Variants in PMFBP1 observed in about 807,000 individuals in gnomAD.
The protein encoded by PMFBP1 is polyamine-modulated factor 1-binding protein 1.
PMFBP1 carries 131 observed loss-of-function variants against 137.8 expected under a neutral mutation model. The ratio of observed to expected loss-of-function variants is 0.95; its 90% CI spans 0.82 to 1.10. PMFBP1 has a LOEUF of 1.10. Among genes scored for constraint, PMFBP1 ranks in the 50% least tolerant of loss-of-function variants. The probability of loss-of-function intolerance (pLI) is 0.00; values close to 1 mark genes in which losing one functional copy is unlikely to be tolerated. For missense variants in PMFBP1, 1,199 were observed against 1,175.4 expected (o/e 1.02, Z -0.29); for synonymous variants, 490 against 450.4 (o/e 1.09, Z -1.11).
chr16:72,149,143 G>A (rs1189769461), intron 5 of PMFBP1, among the ~76,000 whole-genome samples: 1 of 152,138 alleles, frequency 6.6e-6, no homozygotes, highest in African/African-American at 2.4e-5. Context: ...CTTAGAGTTG[G>A]CTTCCTGGGG....
chr16:72,165,609 AG>A (rs1338167267), intron 2 of PMFBP1, among the ~76,000 whole-genome samples: 2 of 151,938 alleles, frequency 1.3e-5, no homozygotes, highest in East Asian at 1.9e-4. Flanking sequence ...TAGTAGAGAC[AG>A]GGTTTCACAG....
intron 14 of PMFBP1, among the ~76,000 whole-genome samples, chr16:72,127,304 C>T (rs2042476808): frequency 6.6e-6 from 1 of 152,226 alleles, no homozygotes; most frequent in Non-Finnish European, 1.5e-5. Flanking sequence ...CCATATTTTA[C>T]ATGCCCTGGT....
the PMFBP1 span, among the ~76,000 whole-genome samples, chr16:72,246,592 C>T: frequency 1.3e-5 from 2 of 151,984 alleles, no homozygotes; most frequent in African/African-American, 4.8e-5. Context: ...CAGCTGTAAA[C>T]ACCTGTTCAT....
Position 72,136,788 on chromosome 16 carries a change from C to G in PMFBP1, c.950G>C (p.Ser317Thr), listed in dbSNP as rs763439028. Residue 317 changes from serine to threonine, a missense_variant, in exon 8 of 21, where the codon AGC (serine) becomes ACC (threonine). Coordinates refer to ENST00000237353, the MANE Select transcript of PMFBP1 (RefSeq NM_031293.3). The part of the protein sequence containing the change: ...ILKHLQEQKD[S>T]QCLHVEEYQN... The stretch of plus-strand genomic sequence containing the variant: ...GTACTCCTCCACATGCAGGCACTGG[C>G]TGTCTTTCTGCTCCTGCAAGTGCTT... 6.2e-7 allele frequency: 1 copy of G among 1,614,212 alleles called. No homozygotes were observed. Among genetic ancestry groups the G allele is most frequent in the East Asian group, 2.2e-5 (1 of 44,884 alleles).
At chr16:72,209,111 C>T in the PMFBP1 span, among the ~76,000 whole-genome samples, 1 of 152,188 alleles carries the variant, frequency 6.6e-6, no homozygotes, top group Non-Finnish European at 1.5e-5. Context: ...CCCGGTGAGC[C>T]CTCTTCCTGG....
intron 5 of PMFBP1, among the ~76,000 whole-genome samples, chr16:72,144,633 A>G (rs547254033): frequency 1.1e-4 from 17 of 152,336 alleles, no homozygotes; most frequent in African/African-American, 4.1e-4. Flanking sequence ...CTAAAGATAA[A>G]AACATAAAAA....
At chr16:72,181,237 CAAA>C (rs57619423), upstream of PMFBP1, among the ~76,000 whole-genome samples, 7 of 130,360 alleles carry the variant, frequency 5.4e-5, no homozygotes, top group Admixed American at 4.0e-4. Flanking sequence ...GACTTCATCT[CAAA>C]AAAAAAAAAA....
the PMFBP1 span, among the ~76,000 whole-genome samples, chr16:72,239,539 A>C: frequency 1.3e-5 from 2 of 152,080 alleles, no homozygotes; most frequent in African/African-American, 4.8e-5. Context: ...AGCTACTGAG[A>C]GGTCCTATTT....
chr16:72,202,698 C>T, the PMFBP1 span, among the ~76,000 whole-genome samples: 481 of 152,318 alleles, frequency 3.2e-3, 1 homozygote, highest in South Asian at 6.8e-3. Flanking sequence ...CTCTCACTCA[C>T]GCATCCTCCT....
chr16:72,124,981 T>C (rs1331607301), intron 16 of PMFBP1, 47 bp from the exon 17 acceptor site: 2 of 1,599,992 alleles, frequency 1.3e-6, no homozygotes, highest in Non-Finnish European at 1.7e-6. Flanking sequence ...CTGGCCTCCC[T>C]GACCGCAGGA....
chr16:72,119,611 G>C, intron 20 of PMFBP1: 1 of 1,443,892 alleles, frequency 6.9e-7, no homozygotes, highest in South Asian at 1.5e-5. Context: ...TCTGGGTCAG[G>C]GGAGGGGGCA....
At chr16:72,175,549 T>C (rs141244382), upstream of PMFBP1, among the ~76,000 whole-genome samples, 60 of 152,340 alleles carry the variant, frequency 3.9e-4, no homozygotes, top group African/African-American at 1.4e-3. Context: ...GAACACCGAC[T>C]ATTCCTTTTC....
chr16:72,228,161 G>C, the PMFBP1 span, among the ~76,000 whole-genome samples: 1 of 152,048 alleles, frequency 6.6e-6, no homozygotes, highest in Non-Finnish European at 1.5e-5. Context: ...TGGGGTTCGA[G>C]CCTGGACCAA....
chr16:72,134,389 G>T (rs2144307346), intron 9 of PMFBP1, among the ~76,000 whole-genome samples: 1 of 152,272 alleles, frequency 6.6e-6, no homozygotes, highest in South Asian at 2.1e-4. Context: ...TTGCCATGTT[G>T]CCCAGGCTGG....
rs1597457670 is a variant in PMFBP1 at position 72,122,762 on chromosome 16, A to G, written c.2768+152T>C. On this transcript the variant is annotated intron_variant, in intron 19 of 20. Coordinates refer to ENST00000237353, the MANE Select transcript of PMFBP1 (RefSeq NM_031293.3). The stretch of plus-strand genomic sequence containing the variant: ...GGTCAAGTGATATACCCAAGGTCAC[A>G]TAGATGCAGATTCGAGACCTGGGGG... The G allele has an allele frequency of 2.0e-5, 13 of 645,624 alleles. No individual in the cohort carries two copies. The East Asian group carries it at 2.8e-4, about 14-fold the overall frequency. 40.0% of individuals were successfully genotyped at this position (645,624 alleles called of 1,614,324 possible). A position where few individuals can be genotyped will look rare whatever the true frequency, so the allele number is the denominator to read the frequency against.
At chr16:72,227,271 T>C in the PMFBP1 span, among the ~76,000 whole-genome samples, 1 of 152,228 alleles carries the variant, frequency 6.6e-6, no homozygotes, top group African/African-American at 2.4e-5. Context: ...TGCACTGTTA[T>C]TCTGAAAGAT....
chr16:72,123,520 G>A (rs1480495234), intron 18 of PMFBP1, 26 bp downstream of exon 18: 1 of 1,606,438 alleles, frequency 6.2e-7, no homozygotes, highest in Non-Finnish European at 8.5e-7. Context: ...CTCGGACCCT[G>A]CCTCCCTTTT....
intron 19 of PMFBP1, among the ~76,000 whole-genome samples, 162 bp downstream of exon 19, chr16:72,122,752 C>T (rs2042393915): frequency 6.6e-6 from 1 of 152,080 alleles, no homozygotes; most frequent in African/African-American, 2.4e-5. Flanking sequence ...AGTGATATAC[C>T]CAAGGTCACA....
chr16:72,249,153 T>C, the PMFBP1 span, among the ~76,000 whole-genome samples: 1 of 152,210 alleles, frequency 6.6e-6, no homozygotes, highest in East Asian at 1.9e-4. Flanking sequence ...GGATTAGATA[T>C]GTGGTTTACC....
Sources: gnomAD v4.1 joint callset for allele counts (sites outside exome capture counted in the v4.1 genomes callset) on GRCh38, gnomAD v4.1.1 for gene constraint, MANE v1.5 for transcripts, NCBI Gene and HGNC (gene_info 2026-07-23, HGNC 2026-07-21) for gene names.